Variants in TRPM3 observed in about 807,000 individuals in gnomAD.
TRPM3 encodes the protein long transient receptor potential channel 3.
TRPM3 carries 77 observed loss-of-function variants against 181.2 expected under a neutral mutation model. The ratio of observed to expected loss-of-function variants is 0.42; its 90% CI spans 0.35 to 0.51. TRPM3 has a LOEUF of 0.51. TRPM3 is among the 20% of genes least tolerant of loss of function. The probability of loss-of-function intolerance (pLI) is 0.01; values close to 1 mark genes in which losing one functional copy is unlikely to be tolerated. For missense variants in TRPM3, 1,759 were observed against 2,196.7 expected (o/e 0.80, Z 3.98); for synonymous variants, 745 against 796.4 (o/e 0.94, Z 1.09).
intron 3 of TRPM3, among the ~76,000 whole-genome samples, chr9:70,851,313 A>C (rs1385462673): frequency 6.6e-6 from 1 of 152,260 alleles, no homozygotes; most frequent in African/African-American, 2.4e-5. Context: ...ATTAACTCAC[A>C]TAGTGTGAAG....
chr9:71,305,026 G>A (rs761997473), intron 1 of TRPM3, among the ~76,000 whole-genome samples: 8 of 152,126 alleles, frequency 5.3e-5, no homozygotes, highest in Non-Finnish European at 1.0e-4. Context: ...ATACCCCTGT[G>A]AGACAGAGAT....
intron 1 of TRPM3, among the ~76,000 whole-genome samples, chr9:70,994,509 C>CTTT: frequency 6.7e-6 from 1 of 150,218 alleles, no homozygotes; most frequent in South Asian, 2.1e-4. Context: ...ATTTAATTCA[C>CTTT]TTTTTTTTTT....
chr9:71,216,794 A>G (rs1197781886), intron 1 of TRPM3, among the ~76,000 whole-genome samples: 2 of 152,208 alleles, frequency 1.3e-5, no homozygotes, highest in African/African-American at 4.8e-5. Flanking sequence ...ATGGCATTGA[A>G]TTGAATACAA....
intron 1 of TRPM3, among the ~76,000 whole-genome samples, chr9:71,414,691 C>T (rs1483537531): frequency 2.6e-5 from 4 of 152,042 alleles, no homozygotes; most frequent in Admixed American, 6.6e-5. Flanking sequence ...TCTCTACTAG[C>T]TTACTGGAGA....
At chr9:71,424,713 T>C (rs1487187980) in intron 1 of TRPM3, among the ~76,000 whole-genome samples, 2 of 152,158 alleles carry the variant, frequency 1.3e-5, no homozygotes, top group Non-Finnish European at 2.9e-5. Context: ...CTGTAGATGG[T>C]ATCATTTCTT....
At chr9:70,666,442 G>A (rs7027906) in intron 9 of TRPM3, among the ~76,000 whole-genome samples, 41,016 of 152,116 alleles carry the variant, frequency 0.27, 5,728 homozygotes, top group South Asian at 0.33. Flanking sequence ...AAAAACATCT[G>A]CAGAAAGTGG....
chr9:71,156,881 G>A (rs2076031189), intron 1 of TRPM3, among the ~76,000 whole-genome samples: 1 of 151,878 alleles, frequency 6.6e-6, no homozygotes, highest in Admixed American at 6.6e-5. Context: ...TGTGGCAGTG[G>A]GCATCCTCCT....
At position 71,121,241 on chromosome 9, in the gene TRPM3, G is replaced by C. The variant is rs199812882; in HGVS notation, c.114C>G (p.Pro38=). 161 of 1,614,116 alleles carry C rather than the reference G, an allele frequency of 1.0e-4. No homozygotes were observed. Among genetic ancestry groups the C allele is most frequent in the Middle Eastern group, 3.3e-4 (2 of 6,062 alleles). The change falls in exon 1 of 26, where the codon CCC becomes CCG. Residue 38 remains proline (P), a synonymous_variant. Coordinates refer to ENST00000677713, the MANE Select transcript of TRPM3 (RefSeq NM_001366145.2). ...ACAGCTTCCGGATGGTCCAGTTTAG[G>C]GGTCGAGGAGCATCAGCCTGATTCA... ...GVMNQADAPR[P]LNWTIRKLCH...
chr9:71,412,009 A>C (rs530664782), intron 1 of TRPM3, among the ~76,000 whole-genome samples: 2 of 152,312 alleles, frequency 1.3e-5, no homozygotes, highest in East Asian at 3.9e-4. Context: ...AGGATTACCT[A>C]TTCAATAAAA....
intron 1 of TRPM3, among the ~76,000 whole-genome samples, chr9:71,368,247 T>C (rs2092404081): frequency 2.6e-5 from 4 of 152,160 alleles, no homozygotes; most frequent in Non-Finnish European, 2.9e-5. Context: ...GATTTGACCA[T>C]CTGATTACTT....
At chr9:70,696,009 C>G (rs941138801) in intron 8 of TRPM3, among the ~76,000 whole-genome samples, 2 of 152,160 alleles carry the variant, frequency 1.3e-5, no homozygotes, top group African/African-American at 4.8e-5. Context: ...AGAGACCAGA[C>G]AGAGACTCAC....
intron 1 of TRPM3, among the ~76,000 whole-genome samples, chr9:70,976,964 A>G (rs2097308852): frequency 6.6e-6 from 1 of 152,218 alleles, no homozygotes; most frequent in African/African-American, 2.4e-5. Flanking sequence ...GAATCACCAC[A>G]GTGCTATTCC....
At chr9:71,259,036 C>A (rs933433078) in intron 1 of TRPM3, among the ~76,000 whole-genome samples, 9 of 152,138 alleles carry the variant, frequency 5.9e-5, no homozygotes, top group South Asian at 2.1e-4. Context: ...TAATGCTATC[C>A]CTCCCCTAGT....
chr9:71,342,890 A>C (rs79891682), intron 1 of TRPM3, among the ~76,000 whole-genome samples: 3,496 of 152,232 alleles, frequency 0.023, 116 homozygotes, highest in African/African-American at 0.077. Flanking sequence ...TTCAGTGATA[A>C]AAAGAAATAA....
At chr9:70,956,369 G>A (rs2097072250) in intron 1 of TRPM3, among the ~76,000 whole-genome samples, 2 of 69,750 alleles carry the variant, frequency 2.9e-5, no homozygotes, top group South Asian at 4.7e-4. Context: ...CCCAAAGATA[G>A]CAAATTTTAA....
chr9:71,445,478 C>T (rs2094191659), intron 1 of TRPM3, among the ~76,000 whole-genome samples: 1 of 152,116 alleles, frequency 6.6e-6, no homozygotes, highest in Non-Finnish European at 1.5e-5. Context: ...AAAACCTGCT[C>T]ACAAAAAACA....
intron 15 of TRPM3, among the ~76,000 whole-genome samples, 165 bp from the exon 16 acceptor site, chr9:70,620,530 T>G (rs2063468321): frequency 6.6e-6 from 1 of 152,164 alleles, no homozygotes; most frequent in African/African-American, 2.4e-5. Flanking sequence ...TGCCCAACTT[T>G]AAAACAAGTG....
intron 21 of TRPM3, among the ~76,000 whole-genome samples, chr9:70,596,579 A>C (rs1357498313): frequency 6.6e-6 from 1 of 152,018 alleles, no homozygotes; most frequent in African/African-American, 2.4e-5. Flanking sequence ...TAAAAACAAA[A>C]AATTAGCCTG....
chr9:71,105,749 G>A (rs539390963), intron 1 of TRPM3, among the ~76,000 whole-genome samples: 2 of 152,294 alleles, frequency 1.3e-5, no homozygotes, highest in African/African-American at 2.4e-5. Context: ...TTCTCAGCCA[G>A]AAAAGTCTTT....
Sources: gnomAD v4.1 joint callset for allele counts (sites outside exome capture counted in the v4.1 genomes callset) on GRCh38, gnomAD v4.1.1 for gene constraint, MANE v1.5 for transcripts, NCBI Gene and HGNC (gene_info 2026-07-23, HGNC 2026-07-21) for gene names.